The following THRB variants were observed in gnomAD, a reference collection of about 807,000 sequenced individuals.
THRB encodes the protein nuclear receptor subfamily 1 group A member 2.
In THRB, 12 loss-of-function variants were observed where a neutral mutation model predicts 47.8. The observed-to-expected ratio is 0.25, with a 90% CI of 0.16 to 0.41. The LOEUF (loss-of-function observed/expected upper bound fraction) is 0.41. Among genes scored for constraint, THRB ranks in the 10% least tolerant of loss-of-function variants. THRB has a pLI of 1.00. For synonymous variants in THRB, 218 were observed against 212.2 expected (o/e 1.03, Z -0.24); for missense variants, 348 against 589.2 (o/e 0.59, Z 4.24).
At chr3:24,482,231 C>G (rs1297558042) in intron 1 of THRB, among the ~76,000 whole-genome samples, 1 of 152,162 alleles carries the variant, frequency 6.6e-6, no homozygotes, top group Non-Finnish European at 1.5e-5. Flanking sequence ...AAATTGTTTT[C>G]CATGTATTGA....
intron 3 of THRB, among the ~76,000 whole-genome samples, chr3:24,263,976 G>C (rs2052367047): frequency 6.6e-6 from 1 of 152,122 alleles, no homozygotes; most frequent in Non-Finnish European, 1.5e-5. Flanking sequence ...TTTTGCTCCT[G>C]CTTGGCATTG....
At chr3:24,475,966 T>A (rs1278919099) in intron 1 of THRB, among the ~76,000 whole-genome samples, 1 of 152,122 alleles carries the variant, frequency 6.6e-6, no homozygotes, top group Non-Finnish European at 1.5e-5. Context: ...TTCAGGAAAA[T>A]CTGAGGCCCT....
intron 5 of THRB, among the ~76,000 whole-genome samples, chr3:24,156,928 C>A (rs73823208): frequency 1.3e-5 from 2 of 152,136 alleles, no homozygotes; most frequent in African/African-American, 4.8e-5. Flanking sequence ...AATCCTGATT[C>A]CTTTTATATT....
intron 7 of THRB, chr3:24,144,082 C>T (rs2035791206): frequency 7.4e-6 from 2 of 271,542 alleles, no homozygotes; most frequent in Non-Finnish European, 1.4e-5. Flanking sequence ...AATTCACTCT[C>T]TGGGTTTCTG....
At chr3:24,446,514 G>A (rs1418071189) in intron 1 of THRB, among the ~76,000 whole-genome samples, 1 of 149,804 alleles carries the variant, frequency 6.7e-6, no homozygotes, top group Non-Finnish European at 1.5e-5. Context: ...TTCTGCTGCT[G>A]CTAAATTGTC....
At position 24,183,578 on chromosome 3, in the gene THRB, G is replaced by T. The variant is rs567229764; in HGVS notation, c.283+6496C>A. On this transcript the variant is annotated intron_variant, in intron 5 of 10. Coordinates refer to ENST00000646209, the MANE Select transcript of THRB (RefSeq NM_001354712.2). Reference sequence around the variant, plus strand: ...GTAGAGACAGGGTTTCATCATGTTGGCCAGGCTGGTCTTGAAACTCCTGAC... The same window carrying T: ...GTAGAGACAGGGTTTCATCATGTTGTCCAGGCTGGTCTTGAAACTCCTGAC... 4.1e-3 allele frequency among the ~76,000 whole-genome samples: 617 copies of T among 151,428 alleles called. 3 individuals are homozygous for T. Among genetic ancestry groups the T allele is most frequent in the Non-Finnish European group, 5.7e-3 (388 of 67,878 alleles).
chr3:24,216,468 C>T (rs1045895450), intron 4 of THRB, among the ~76,000 whole-genome samples: 4 of 152,050 alleles, frequency 2.6e-5, no homozygotes, highest in African/African-American at 4.8e-5. Flanking sequence ...ATTAGCCGGG[C>T]GTGGTGGAGG....
chr3:24,126,377 T>A (rs545150594), intron 10 of THRB, among the ~76,000 whole-genome samples: 1 of 151,918 alleles, frequency 6.6e-6, no homozygotes, highest in Admixed American at 6.5e-5. Context: ...CAAGACCGTG[T>A]CTCAGGTTAA....
chr3:24,212,685 C>T (rs2046181871), intron 4 of THRB, among the ~76,000 whole-genome samples: 1 of 152,056 alleles, frequency 6.6e-6, no homozygotes, highest in Non-Finnish European at 1.5e-5. Context: ...AGCCTTGATC[C>T]CCCGCTATTA....
chr3:24,327,770 G>A (rs1477101696), intron 2 of THRB, among the ~76,000 whole-genome samples: 1 of 152,218 alleles, frequency 6.6e-6, no homozygotes, highest in African/African-American at 2.4e-5. Context: ...ACCTCAATGA[G>A]AGGATAAAAT....
chr3:24,392,338 T>C (rs527455778), intron 1 of THRB, among the ~76,000 whole-genome samples: 17 of 152,276 alleles, frequency 1.1e-4, no homozygotes, highest in South Asian at 1.0e-3. Context: ...GTTGGGGTAA[T>C]TGAGATATCC....
intron 5 of THRB, among the ~76,000 whole-genome samples, chr3:24,178,954 C>A (rs1188630493): frequency 6.6e-6 from 1 of 152,154 alleles, no homozygotes; most frequent in African/African-American, 2.4e-5. Flanking sequence ...TAAATACATA[C>A]AATTTTTATT....
At chr3:24,482,370 G>T (rs75462441) in intron 1 of THRB, among the ~76,000 whole-genome samples, 18 of 152,278 alleles carry the variant, frequency 1.2e-4, no homozygotes, top group African/African-American at 4.3e-4. Context: ...GAAGTTCAAA[G>T]AGATTAAACT....
At chr3:24,367,980 A>G (rs1475979775) in intron 1 of THRB, among the ~76,000 whole-genome samples, 1 of 152,162 alleles carries the variant, frequency 6.6e-6, no homozygotes, top group Non-Finnish European at 1.5e-5. Context: ...AGGGACTAGA[A>G]TAGCTCCCAG....
intron 5 of THRB, among the ~76,000 whole-genome samples, chr3:24,168,739 T>C (rs1414242797): frequency 6.6e-6 from 1 of 151,644 alleles, no homozygotes. Context: ...CCTTAGTTCT[T>C]AGCAATTTAC....
At chr3:24,476,906 A>G (rs1035918372) in intron 1 of THRB, among the ~76,000 whole-genome samples, 2 of 152,108 alleles carry the variant, frequency 1.3e-5, no homozygotes, top group East Asian at 1.9e-4. Flanking sequence ...AAATGATCTC[A>G]TTATCTCAAT....
At chr3:24,165,592 T>G in intron 5 of THRB, 1 of 467,308 alleles carries the variant, frequency 2.1e-6, no homozygotes, top group East Asian at 3.5e-5. Flanking sequence ...TTTGAGCTCT[T>G]CTGCCATCCA....
At chr3:24,231,350 G>A (rs1042666773) in intron 3 of THRB, among the ~76,000 whole-genome samples, 1 of 152,172 alleles carries the variant, frequency 6.6e-6, no homozygotes, top group African/African-American at 2.4e-5. Context: ...TGAACTATAG[G>A]AAATTATTGT....
intron 5 of THRB, among the ~76,000 whole-genome samples, chr3:24,177,429 T>C (rs1559519505): frequency 1.3e-5 from 2 of 152,176 alleles, no homozygotes; most frequent in Non-Finnish European, 2.9e-5. Context: ...TCTCAGCATA[T>C]AGTACAGTAT....
Sources: allele counts gnomAD v4.1 joint callset (sites outside exome capture counted in the v4.1 genomes callset), GRCh38; gene constraint gnomAD v4.1.1; transcripts MANE v1.5; gene names NCBI Gene and HGNC (gene_info 2026-07-23, HGNC 2026-07-21).